KMT2C: variants seen among roughly 807,000 people sequenced by gnomAD.
KMT2C encodes lysine methyltransferase 2C.
Under a neutral mutation model 507.9 loss-of-function variants are expected in KMT2C, and 88 were observed. The ratio of observed to expected loss-of-function variants is 0.17; its 90% confidence interval spans 0.15 to 0.21. The LOEUF is 0.21. Among genes scored for constraint, KMT2C ranks in the 10% least tolerant of loss-of-function variants. The pLI, the probability that KMT2C is intolerant of heterozygous loss-of-function variation, is 1.00. For synonymous variants in KMT2C, 2,049 were observed against 2,080.8 expected, an observed-to-expected ratio of 0.98 and a Z score of 0.42; for missense variants, 4,954 against 5,957.8, an observed-to-expected ratio of 0.83 and a Z score of 5.55.
At chr7:152,250,660 A>G (rs2095548881) in intron 12 of KMT2C, among the ~76,000 whole-genome samples, 193 bp downstream of exon 12, 2 of 152,216 alleles carry the variant, frequency 1.3e-5, no homozygotes, top group African/African-American at 4.8e-5. Context: ...CTTATGATTA[A>G]GTCTAGATGG....
intron 51 of KMT2C, among the ~76,000 whole-genome samples, chr7:152,149,977 C>T (rs949578355): frequency 1.3e-5 from 2 of 152,156 alleles, no homozygotes; most frequent in Non-Finnish European, 2.9e-5. Flanking sequence ...ATTTATTTGT[C>T]ATCTAGCCTA....
At position 152,252,017 on chromosome 7, in the gene KMT2C, T is replaced by C; in HGVS notation, c.1543A>G (p.Met515Val). 1.2e-6 allele frequency: 2 copies of C among 1,613,248 alleles called. No individual in the cohort carries two copies. The highest frequency in any genetic ancestry group is 1.7e-6 in the Non-Finnish European group (2 of 1,179,538). The stretch of plus-strand genomic sequence containing the variant: ...TCAGCTCCCAGGTGTTTACAATACA[T>C]GCAGATATACTCTTCTTTGAGCTGA... ...DTQLKEEYICMYCKHLGAEMD... is the reference protein window; with the variant it reads ...DTQLKEEYICVYCKHLGAEMD... The change falls in exon 11 of 59, where the codon ATG becomes GTG. Residue 515 changes from methionine (M) to valine (V), a missense_variant. Met to Val is a conservative substitution (Grantham distance 21). Transcript: ENST00000262189.
chr7:152,289,865 A>G (rs1588942516), intron 6 of KMT2C, among the ~76,000 whole-genome samples: 1 of 152,024 alleles, frequency 6.6e-6, no homozygotes, highest in African/African-American at 2.4e-5. Context: ...TAGCCAACAT[A>G]GTGAAACCCC....
At chr7:152,171,686 C>T (rs746773516) in intron 39 of KMT2C, among the ~76,000 whole-genome samples, 1 of 152,132 alleles carries the variant, frequency 6.6e-6, no homozygotes, top group African/African-American at 2.4e-5. Flanking sequence ...CTCCACTTTA[C>T]GATAAAATGA....
chr7:152,165,676 T>G (rs570793688), intron 42 of KMT2C, among the ~76,000 whole-genome samples: 1 of 152,236 alleles, frequency 6.6e-6, no homozygotes, highest in South Asian at 2.1e-4. Flanking sequence ...GGGTATTTTT[T>G]GGGATTTTTT....
Position 152,176,968 on chromosome 7 carries a change from G to A in KMT2C, c.8485C>T (p.Pro2829Ser), listed in dbSNP as rs764948021. ...CATTTGGATTCCACCTTAGAATTTG[G>A]AGACAGTACTTCCGTTTTTACCTCA... ...TNEVKTEVLSPNSKVESKCET... is the reference protein window; with the variant it reads ...TNEVKTEVLSSNSKVESKCET... The change falls in exon 38 of 59, where the codon CCA becomes TCA. Residue 2829 changes from proline (P) to serine (S), a missense_variant. This residue lies in a region of KMT2C where 1,689 missense variants were observed against 1,654.3 expected (regional missense o/e 1.02). Coordinates refer to ENST00000262189, the MANE Select transcript of KMT2C (RefSeq NM_170606.3). 6.2e-7 allele frequency: 1 copy of A among 1,614,016 alleles called. No homozygotes were observed. Among genetic ancestry groups the A allele is most frequent in the East Asian group, 2.2e-5 (1 of 44,876 alleles).
rs1563265846 is a variant in KMT2C, at chr7:152,178,018, A to ATT, written c.7443-9_7443-8insAA. 3.3e-6 allele frequency: 3 copies of ATT among 902,578 alleles called. No homozygotes were observed. In the African/African-American group the frequency reaches 6.7e-5, roughly 20 times the overall value. 55.9% of individuals were successfully genotyped at this position (902,578 alleles called of 1,614,324 possible). A position where few individuals can be genotyped will look rare whatever the true frequency, so the allele number is the denominator to read the frequency against. On this transcript the variant is annotated splice_polypyrimidine_tract_variant and intron_variant, in intron 37 of 58. Coordinates refer to ENST00000262189, the MANE Select transcript of KMT2C (RefSeq NM_170606.3). ...CCTCCTGGAAATCCAAATCTTTTAA[A>ATT]AAAAAAAAAAAAAAAAAAAAAAAAG...
intron 1 of KMT2C, among the ~76,000 whole-genome samples, chr7:152,401,642 G>A (rs1038392865): frequency 1.3e-5 from 2 of 152,278 alleles, no homozygotes; most frequent in African/African-American, 4.8e-5. Flanking sequence ...AGTGAACCAA[G>A]ATCGCACCAC....
In KMT2C at chr7:152,252,039, C is replaced by G; in HGVS notation, c.1521G>C (p.Gln507His). Residue 507 changes from glutamine (Q) to histidine (H), a missense_variant, in exon 11 of 59, where the codon CAG becomes CAC. Gln to His is a conservative substitution (Grantham distance 24, BLOSUM62 0). This residue lies in a region of KMT2C where 376 missense variants were observed against 352.4 expected (regional missense o/e 1.07). Transcript: ENST00000262189. Reference protein sequence around the residue: ...DKPTDHELDTQLKEEYICMYC... With the variant: ...DKPTDHELDTHLKEEYICMYC... ...ACATGCAGATATACTCTTCTTTGAG[C>G]TGAGTATCCAGTTCATGATCTGTTG... 1 of 1,611,840 alleles carries G rather than the reference C, an allele frequency of 6.2e-7. No individual in the cohort carries two copies. The highest frequency in any genetic ancestry group is 2.2e-5 in the East Asian group (1 of 44,830).
rs376932410 is a variant in KMT2C, at chr7:152,248,144, A to G, written c.2290T>C (p.Ser764Pro). 1.2e-6 allele frequency: 2 copies of G among 1,614,198 alleles called. No homozygotes were observed. Among genetic ancestry groups the G allele is most frequent in the Non-Finnish European group, 1.7e-6 (2 of 1,179,988 alleles). ...YQGGKSIKLS[S>P]ETESSFSSSA... ...GATGAAAATGATGACTCTGTCTCAG[A>G]TGATAACTTTATAGATTTGCCTCCT... The change falls in exon 14 of 59, where the codon TCT becomes CCT. Residue 764 changes from serine to proline, a missense_variant. Ser to Pro is a moderately conservative substitution (Grantham distance 74). Around this residue, in one of 29 missense-constraint regions of KMT2C, gnomAD observed 20 missense variants for 53.1 expected, o/e 0.38. Coordinates refer to ENST00000262189, the MANE Select transcript of KMT2C (RefSeq NM_170606.3).
chr7:152,246,099 G>A (rs2129162575), intron 14 of KMT2C, among the ~76,000 whole-genome samples: 1 of 152,222 alleles, frequency 6.6e-6, no homozygotes, highest in South Asian at 2.1e-4. Flanking sequence ...GCTAACTGTA[G>A]AATATTTCCT....
At chr7:152,314,426 T>C (rs1234638963) in intron 4 of KMT2C, among the ~76,000 whole-genome samples, 1 of 152,160 alleles carries the variant, frequency 6.6e-6, no homozygotes, top group African/African-American at 2.4e-5. Context: ...CATATTAATA[T>C]GGTCTTTAAA....
chr7:152,155,145 T>C (rs889941550), intron 46 of KMT2C: 1 of 152,102 alleles, frequency 6.6e-6, no homozygotes, highest in Non-Finnish European at 1.5e-5. Context: ...CGCAGAGAAG[T>C]AGCTGTCATG....
intron 1 of KMT2C, among the ~76,000 whole-genome samples, chr7:152,375,763 A>G (rs1414736945): frequency 6.6e-6 from 1 of 152,098 alleles, no homozygotes; most frequent in Non-Finnish European, 1.5e-5. Flanking sequence ...TAATCCTCAA[A>G]GTATTTTGAA....
intron 33 of KMT2C, among the ~76,000 whole-genome samples, chr7:152,186,970 A>AT (rs2093645619): frequency 6.6e-6 from 1 of 152,168 alleles, no homozygotes; most frequent in African/African-American, 2.4e-5. Flanking sequence ...GGTTCTAGAA[A>AT]TTTTTTAAAG....
chr7:152,342,292 T>C (rs2097002687), intron 2 of KMT2C, among the ~76,000 whole-genome samples: 1 of 152,214 alleles, frequency 6.6e-6, no homozygotes, highest in Non-Finnish European at 1.5e-5. Flanking sequence ...AATGGTAATC[T>C]TGATATTAAA....
intron 6 of KMT2C, among the ~76,000 whole-genome samples, chr7:152,293,549 T>G (rs2096457367): frequency 6.6e-6 from 1 of 152,180 alleles, no homozygotes; most frequent in South Asian, 2.1e-4. Flanking sequence ...ACAAGATATT[T>G]TATGCAGATG....
chr7:152,262,977 T>G lies in KMT2C; in HGVS notation c.1299+39A>C, dbSNP rs1330263586. 8 of 1,478,448 alleles carry G rather than the reference T, an allele frequency of 5.4e-6. 1 individual carries two copies. Among genetic ancestry groups the G allele is most frequent in the East Asian group, 4.6e-5 (2 of 43,642 alleles). The allele number at this position is 1,478,448 out of a possible 1,614,324, so 91.6% of individuals were successfully genotyped here. ...ATTTGTCTGGTCTCCATATAAAACA[T>G]AGAGAGGATTTAAAAAAATAAATAA... On this transcript the variant is annotated intron_variant, in intron 9 of 58. Coordinates refer to ENST00000262189, the MANE Select transcript of KMT2C (RefSeq NM_170606.3).
In KMT2C at chr7:152,206,144, A is replaced by G. The variant is rs183901094; in HGVS notation, c.3842-919T>C. 1.2e-4 allele frequency among the ~76,000 whole-genome samples: 18 copies of G among 152,312 alleles called. No individual in the cohort carries two copies. In the East Asian group the frequency reaches 3.3e-3, roughly 28 times the overall value. On this transcript the variant is annotated intron_variant, in intron 24 of 58. Transcript: ENST00000262189. The stretch of plus-strand genomic sequence containing the variant: ...CATACACATGTTAAAAGGACAAATA[A>G]CATAAGTGAAGTGCTTAGAATAGAG...
Sources: allele counts gnomAD v4.1 joint callset (sites outside exome capture counted in the v4.1 genomes callset), GRCh38; gene constraint gnomAD v4.1.1; regional missense constraint gnomAD v4.1.1; transcripts MANE v1.5; gene names NCBI Gene and HGNC (gene_info 2026-07-23, HGNC 2026-07-21).